PARD3B: variants seen among roughly 807,000 people sequenced by gnomAD.
PARD3B encodes par-3 family cell polarity regulator beta, also known as partitioning defective 3 homolog B.
A neutral mutation model predicts 130.2 loss-of-function variants in PARD3B; 103 were observed. That is an observed-to-expected ratio of 0.79 (90% CI 0.67 to 0.93). PARD3B has a LOEUF of 0.93. PARD3B is among the 40% of genes least tolerant of loss of function. The pLI is 0.00. For missense variants in PARD3B, 1,609 were observed against 1,499.2 expected, an observed-to-expected ratio of 1.07 and a Z score of -1.21; for synonymous variants, 583 against 553.2, an observed-to-expected ratio of 1.05 and a Z score of -0.76.
intron 4 of PARD3B, among the ~76,000 whole-genome samples, chr2:205,062,933 A>G (rs574214767): frequency 1.7e-4 from 26 of 152,210 alleles, no homozygotes; most frequent in African/African-American, 6.3e-4. Context: ...TTCAAACTCC[A>G]TCCTTCCAAG....
chr2:204,617,597 T>C (rs1003690111), intron 1 of PARD3B, among the ~76,000 whole-genome samples: 23 of 152,144 alleles, frequency 1.5e-4, no homozygotes, highest in Admixed American at 6.6e-5. Flanking sequence ...GGGGTACATG[T>C]GCAGGTTTGT....
chr2:205,610,272 C>CA (rs985579169), intron 22 of PARD3B, among the ~76,000 whole-genome samples: 1 of 152,202 alleles, frequency 6.6e-6, no homozygotes, highest in African/African-American at 2.4e-5. Flanking sequence ...CATCAGCCCT[C>CA]AAGCCCAGGT....
chr2:204,641,794 A>G (rs1443928922), intron 1 of PARD3B, among the ~76,000 whole-genome samples: 2 of 152,220 alleles, frequency 1.3e-5, no homozygotes, highest in African/African-American at 2.4e-5. Flanking sequence ...AGTTGTCACA[A>G]TGATTTTTCC....
intron 18 of PARD3B, among the ~76,000 whole-genome samples, chr2:205,361,108 A>G (rs2044371761): frequency 6.6e-6 from 1 of 151,740 alleles, no homozygotes; most frequent in Non-Finnish European, 1.5e-5. Context: ...TAAGGATAAG[A>G]AAAAAAAACT....
chr2:205,552,199 C>T (rs1171978974), intron 21 of PARD3B, among the ~76,000 whole-genome samples: 6 of 151,968 alleles, frequency 3.9e-5, no homozygotes, highest in Non-Finnish European at 8.8e-5. Flanking sequence ...GAGGTAAACA[C>T]AGGACGTACA....
chr2:204,941,571 A>T (rs1479510037), intron 2 of PARD3B, among the ~76,000 whole-genome samples: 1 of 152,180 alleles, frequency 6.6e-6, no homozygotes. Context: ...AGGTTTTCTA[A>T]ATGGGAAAGT....
At chr2:205,347,515 A>G (rs1912845) in intron 18 of PARD3B, among the ~76,000 whole-genome samples, 91,144 of 152,048 alleles carry the variant, frequency 0.6, 30,745 homozygotes, top group South Asian at 0.77. Context: ...ATAAGAAGCT[A>G]CAATATAATG....
At chr2:204,845,628 A>G (rs545546202) in intron 2 of PARD3B, among the ~76,000 whole-genome samples, 6 of 152,228 alleles carry the variant, frequency 3.9e-5, no homozygotes, top group South Asian at 2.1e-4. Flanking sequence ...TTTGTGCAGT[A>G]TAAGAGTATG....
intron 18 of PARD3B, among the ~76,000 whole-genome samples, chr2:205,376,291 A>T (rs2045048999): frequency 6.6e-6 from 1 of 152,258 alleles, no homozygotes; most frequent in Admixed American, 6.5e-5. Flanking sequence ...GCCTCACCAC[A>T]CTAAGTAATG....
At chr2:204,665,577 G>A (rs1284818755) in intron 1 of PARD3B, among the ~76,000 whole-genome samples, 1 of 152,164 alleles carries the variant, frequency 6.6e-6, no homozygotes, top group Non-Finnish European at 1.5e-5. Flanking sequence ...GGGAAATCAT[G>A]CTATGATCTT....
chr2:205,458,005 C>G lies in PARD3B; in HGVS notation c.3044+17333C>G, dbSNP rs2048331683. ...CCAAAATCCAGAACACTTCTGGTCC[C>G]AGACTTTTCAGATAAGGGATACTCA... On this transcript the variant is annotated intron_variant, in intron 20 of 22. Coordinates refer to ENST00000406610, the MANE Select transcript of PARD3B (RefSeq NM_001302769.2). The surrounding 1 kb of genome is among the most constrained non-coding windows in gnomAD (Gnocchi z 4.8). Among the ~76,000 whole-genome samples, 1 of 152,138 alleles carries G rather than the reference C, an allele frequency of 6.6e-6. No homozygotes were observed. Among genetic ancestry groups the G allele is most frequent in the Non-Finnish European group, 1.5e-5 (1 of 68,000 alleles).
At chr2:205,127,486 G>C (rs2031577186) in intron 10 of PARD3B, among the ~76,000 whole-genome samples, 1 of 152,126 alleles carries the variant, frequency 6.6e-6, no homozygotes, top group Non-Finnish European at 1.5e-5. Flanking sequence ...AGGATTAGTT[G>C]ACAGAACTGA....
Position 205,021,013 on chromosome 2 carries a change from C to T in PARD3B, c.395-26568C>T, listed in dbSNP as rs1217116785. Among the ~76,000 whole-genome samples, 1 of 152,128 alleles carries T rather than the reference C, an allele frequency of 6.6e-6. No homozygotes were observed. Among genetic ancestry groups the T allele is most frequent in the Non-Finnish European group, 1.5e-5 (1 of 68,022 alleles). On this transcript the variant is annotated intron_variant, in intron 3 of 22. Transcript: ENST00000406610. The surrounding 1 kb of genome is among the most constrained non-coding windows in gnomAD (Gnocchi z 4.5). ...GACCAGGAAGGGACTCCCTAAGAGA[C>T]CTTGCCTCTGAGCATGTCAGCTGAA... is the stretch of plus-strand genomic sequence containing the variant.
chr2:204,779,848 A>C (rs1012954327), intron 2 of PARD3B, among the ~76,000 whole-genome samples: 3 of 152,190 alleles, frequency 2.0e-5, no homozygotes, highest in African/African-American at 2.4e-5. Flanking sequence ...AATTCTAAGC[A>C]AAGTAAGGTC....
intron 2 of PARD3B, among the ~76,000 whole-genome samples, chr2:204,835,742 T>A (rs765837753): frequency 5.9e-5 from 9 of 152,238 alleles, no homozygotes; most frequent in Admixed American, 1.3e-4. Flanking sequence ...ATTTTCATCT[T>A]TTCCCAGGCT....
rs76203194 is a variant in PARD3B, at chr2:204,784,688, G to A, written c.222+98406G>A. ...TACCAAGGCTAACATTGCTTCTGGG[G>A]GCAATTGTTTCTGTTTAAGGCCACT... On this transcript the variant is annotated intron_variant, in intron 2 of 22. Transcript: ENST00000406610. Among the ~76,000 whole-genome samples the A allele has an allele frequency of 7.3e-3, 1,116 of 152,224 alleles. 12 individuals carry two copies. The highest frequency in any genetic ancestry group is 0.025 in the African/African-American group (1,053 of 41,544).
chr2:204,832,205 G>A (rs973223445), intron 2 of PARD3B, among the ~76,000 whole-genome samples: 3 of 151,890 alleles, frequency 2.0e-5, no homozygotes, highest in African/African-American at 7.3e-5. Context: ...CAGTCTGGGC[G>A]ACTGAGCGAG....
At chr2:204,826,160 G>A (rs969034451) in intron 2 of PARD3B, among the ~76,000 whole-genome samples, 21 of 152,182 alleles carry the variant, frequency 1.4e-4, no homozygotes, top group African/African-American at 4.6e-4. Flanking sequence ...ACCTTGAAAA[G>A]TATTATATAG....
In PARD3B at chr2:205,158,674, T is replaced by C; in HGVS notation, c.1435-48T>C. 6.6e-7 allele frequency: 1 copy of C among 1,514,870 alleles called. No homozygotes were observed. The highest frequency in any genetic ancestry group is 2.3e-5 in the East Asian group (1 of 44,052). 93.8% of individuals were successfully genotyped at this position (1,514,870 alleles called of 1,614,324 possible). ...CTGGTCATCTGAGAGAGTGAAATAT[T>C]AATCTGCTTTCTTCTCTTCACTCTT... is the stretch of plus-strand genomic sequence containing the variant. On this transcript the variant is annotated intron_variant, in intron 10 of 22. Transcript: ENST00000406610. This position sits in a 1 kb window ranked among gnomAD's most constrained non-coding sequence, Gnocchi z 5.4.
Sources: gnomAD v4.1 joint callset for allele counts (sites outside exome capture counted in the v4.1 genomes callset) on GRCh38, gnomAD v4.1.1 for gene constraint, Gnocchi (gnomAD v3.1) non-coding constraint, MANE v1.5 for transcripts, NCBI Gene and HGNC (gene_info 2026-07-23, HGNC 2026-07-21) for gene names.